Variants in DPP10 observed in about 807,000 individuals in gnomAD.
DPP10 encodes dipeptidyl peptidase like 10.
A neutral mutation model predicts 120.9 loss-of-function variants in DPP10; 33 were observed. The ratio of observed to expected loss-of-function variants is 0.27; its 90% confidence interval spans 0.21 to 0.37. The LOEUF is 0.37. Among genes scored for constraint, DPP10 ranks in the 10% least tolerant of loss-of-function variants. The pLI is 1.00. For synonymous variants in DPP10, 337 were observed against 326.1 expected, an observed-to-expected ratio of 1.03 and a Z score of -0.36; for missense variants, 816 against 942.8, an observed-to-expected ratio of 0.87 and a Z score of 1.76.
intron 5 of DPP10, among the ~76,000 whole-genome samples, chr2:115,577,444 C>T (rs912007683): frequency 6.6e-5 from 10 of 152,138 alleles, no homozygotes; most frequent in Admixed American, 3.3e-4. Flanking sequence ...TGGAGCCTCT[C>T]TCAGAGTAAG....
intron 1 of DPP10, among the ~76,000 whole-genome samples, chr2:114,818,470 G>A (rs1040997135): frequency 6.6e-5 from 10 of 152,170 alleles, no homozygotes; most frequent in African/African-American, 2.4e-4. Context: ...GGTCCACCAA[G>A]TGGCTGCACG....
intron 2 of DPP10, among the ~76,000 whole-genome samples, chr2:115,337,532 G>A (rs537300923): frequency 9.4e-4 from 143 of 151,864 alleles, no homozygotes; most frequent in African/African-American, 3.3e-3. Flanking sequence ...CAACATTGCC[G>A]AGCCTGTTTC....
chr2:115,055,851 T>C (rs1399748209), intron 1 of DPP10, among the ~76,000 whole-genome samples: 1 of 152,204 alleles, frequency 6.6e-6, no homozygotes, highest in African/African-American at 2.4e-5. Context: ...CATTTAGAGT[T>C]TCCTGTCATA....
Position 115,840,820 on chromosome 2 carries a change from G to A in DPP10, c.2253G>A (p.Met751Ile). 6.2e-6 allele frequency: 10 copies of A among 1,610,126 alleles called. No individual in the cohort carries two copies. The highest frequency in any genetic ancestry group is 7.6e-6 in the Non-Finnish European group (9 of 1,177,908). The change falls in exon 25 of 26, where the codon ATG (methionine) becomes ATA (isoleucine). Residue 751 changes from methionine (M) to isoleucine (I), a missense_variant. By Grantham distance (10) the Met-to-Ile change is conservative. Transcript: ENST00000410059. ...HLIKAGVNYT[M>I]QVYPDEGHNV... ...TAAAAGCTGGAGTGAATTATACTAT[G>A]CAGGTAAGCTACTTTCTTAGAAGAA...
intron 1 of DPP10, among the ~76,000 whole-genome samples, chr2:114,878,770 T>A (rs1469896272): frequency 6.6e-6 from 1 of 152,166 alleles, no homozygotes; most frequent in African/African-American, 2.4e-5. Flanking sequence ...ATTTCATTCT[T>A]TTTTTGTGGC....
intron 1 of DPP10, chr2:114,462,202 A>G (rs994992944): frequency 7.2e-6 from 7 of 975,022 alleles, no homozygotes; most frequent in Non-Finnish European, 7.3e-6. Flanking sequence ...TTTACCGACA[A>G]GTTGCGAAGA....
chr2:115,469,800 A>T (rs1378232265), intron 3 of DPP10, among the ~76,000 whole-genome samples: 1 of 144,126 alleles, frequency 6.9e-6, no homozygotes, highest in Non-Finnish European at 1.5e-5. Context: ...TGGGAGGCTG[A>T]GGAAGGAGAA....
intron 1 of DPP10, among the ~76,000 whole-genome samples, chr2:114,881,195 C>T (rs1453740146): frequency 1.3e-5 from 2 of 152,040 alleles, no homozygotes; most frequent in Non-Finnish European, 2.9e-5. Context: ...ATCAGTAGCC[C>T]ACTGTGCTCT....
intron 21 of DPP10, among the ~76,000 whole-genome samples, chr2:115,816,811 T>G (rs1471993448): frequency 6.9e-6 from 1 of 145,274 alleles, no homozygotes; most frequent in Non-Finnish European, 1.5e-5. Flanking sequence ...AGAGACGGGG[T>G]TTCACCATGT....
At chr2:115,768,219 A>T in intron 12 of DPP10, 78 bp from the exon 13 acceptor site, 1 of 1,212,986 alleles carries the variant, frequency 8.2e-7, no homozygotes. Context: ...GGTATAACCC[A>T]TGCAGGAATT....
chr2:114,862,310 C>T (rs1689871624), intron 1 of DPP10, among the ~76,000 whole-genome samples: 1 of 152,144 alleles, frequency 6.6e-6, no homozygotes. Context: ...GCACTCCCTA[C>T]TCATATAAGA....
intron 1 of DPP10, among the ~76,000 whole-genome samples, chr2:115,132,846 T>A (rs1365823877): frequency 6.6e-6 from 1 of 152,086 alleles, no homozygotes. Context: ...CATTCATATA[T>A]GAAAAACTCC....
chr2:115,450,241 C>G (rs774456995), intron 3 of DPP10, among the ~76,000 whole-genome samples: 2 of 151,964 alleles, frequency 1.3e-5, no homozygotes, highest in Non-Finnish European at 1.5e-5. Flanking sequence ...AACACAAAGC[C>G]TATTTTATAA....
chr2:115,401,203 T>C (rs562180963), intron 3 of DPP10, among the ~76,000 whole-genome samples: 1 of 152,314 alleles, frequency 6.6e-6, no homozygotes, highest in Admixed American at 6.5e-5. Flanking sequence ...AACCACTCAC[T>C]AATAAATGTG....
chr2:114,863,287 ATTG>A (rs1268221018), intron 1 of DPP10, among the ~76,000 whole-genome samples: 43 of 152,184 alleles, frequency 2.8e-4, no homozygotes, highest in Admixed American at 2.8e-3. Context: ...AGAATGCTGA[ATTG>A]TTGTACTGTA....
intron 3 of DPP10, among the ~76,000 whole-genome samples, chr2:115,364,473 G>A (rs1050927623): frequency 4.6e-5 from 7 of 152,008 alleles, no homozygotes; most frequent in African/African-American, 1.7e-4. Flanking sequence ...TCGCTAGTAC[G>A]TGGGTTTGTA....
At chr2:114,943,658 A>G (rs1057340293) in intron 1 of DPP10, among the ~76,000 whole-genome samples, 1 of 152,228 alleles carries the variant, frequency 6.6e-6, no homozygotes, top group African/African-American at 2.4e-5. Flanking sequence ...GTGCTGCAAT[A>G]AGCATACACC....
intron 4 of DPP10, among the ~76,000 whole-genome samples, chr2:115,502,535 T>C (rs2076733139): frequency 6.6e-6 from 1 of 152,140 alleles, no homozygotes; most frequent in Non-Finnish European, 1.5e-5. Flanking sequence ...GCTGTACTCT[T>C]TCTGCTGTCA....
intron 1 of DPP10, among the ~76,000 whole-genome samples, chr2:115,254,520 C>T (rs942129329): frequency 1.3e-5 from 2 of 152,296 alleles, no homozygotes; most frequent in Non-Finnish European, 2.9e-5. Context: ...AACGCCCTTC[C>T]AACAGTCCCG....
Sources: allele counts gnomAD v4.1 joint callset (sites outside exome capture counted in the v4.1 genomes callset), GRCh38; gene constraint gnomAD v4.1.1; transcripts MANE v1.5; gene names NCBI Gene and HGNC (gene_info 2026-07-23, HGNC 2026-07-21).